KANSL2: variants seen among roughly 807,000 people sequenced by gnomAD.
The protein encoded by KANSL2 is KAT8 regulatory NSL complex subunit 2.
KANSL2 carries 34 observed loss-of-function variants against 55.6 expected under a neutral mutation model. The ratio of observed to expected loss-of-function variants is 0.61; its 90% CI spans 0.46 to 0.81. KANSL2 has a LOEUF of 0.81. KANSL2 is among the 40% of genes least tolerant of loss of function. The pLI, the probability that KANSL2 is intolerant of heterozygous loss-of-function variation, is 0.00. For synonymous variants in KANSL2, 209 were observed against 214.3 expected (o/e 0.98, Z 0.22); for missense variants, 502 against 609.9 (o/e 0.82, Z 1.86).
chr12:48,662,659 G>C (rs1939509667), intron 7 of KANSL2: 1 of 1,287,032 alleles, frequency 7.8e-7, no homozygotes, highest in Non-Finnish European at 1.0e-6. Flanking sequence ...CTTTCTCTGG[G>C]ATAAGGACTT....
At chr12:48,656,140 G>C (rs570212976) in intron 8 of KANSL2, among the ~76,000 whole-genome samples, 1 of 152,186 alleles carries the variant, frequency 6.6e-6, no homozygotes, top group Non-Finnish European at 1.5e-5. Context: ...AAGCAAACAA[G>C]CTCCAACAAG....
At chr12:48,665,486 C>T (rs1939579581) in intron 7 of KANSL2, among the ~76,000 whole-genome samples, 1 of 152,070 alleles carries the variant, frequency 6.6e-6, no homozygotes, top group Non-Finnish European at 1.5e-5. Context: ...TCGCTTGTAC[C>T]CAGGGGAGTG....
intron 1 of KANSL2, 105 bp downstream of exon 1, chr12:48,682,082 G>A: frequency 1.4e-6 from 1 of 703,022 alleles, no homozygotes; most frequent in Non-Finnish European, 2.6e-6. Context: ...GAAGGAGACT[G>A]ACTCTGACAC....
chr12:48,658,006 G>A lies in KANSL2; in HGVS notation c.1227+2360C>T, dbSNP rs1309345608. Reference sequence around the variant, plus strand: ...AGCACTTTGGGAGGCCAAGGTGGGCGAAACACTTGAGGCCAGGAGCTTGAG... The same window carrying A: ...AGCACTTTGGGAGGCCAAGGTGGGCAAAACACTTGAGGCCAGGAGCTTGAG... On this transcript the variant is annotated intron_variant, in intron 8 of 9. Transcript: ENST00000420613. Among the ~76,000 whole-genome samples, 3 of 152,120 alleles carry A rather than the reference G, an allele frequency of 2.0e-5. No individual in the cohort carries two copies. In the East Asian group the frequency reaches 5.8e-4, roughly 30 times the overall value.
chr12:48,663,531 CTG>C (rs1939527289), intron 7 of KANSL2, among the ~76,000 whole-genome samples: 1 of 152,078 alleles, frequency 6.6e-6, no homozygotes, highest in Non-Finnish European at 1.5e-5. Flanking sequence ...TCTTCTGCCT[CTG>C]TCATCCCACA....
rs2137200006 is a variant in KANSL2, at chr12:48,674,980, A to G, written c.546-3018T>C. ...AATTAAATAAATAAATAAAAATAAT[A>G]TATAATAAAATAAAATTAATAAAAA... On this transcript the variant is annotated intron_variant, in intron 4 of 9. Transcript: ENST00000420613. 1.3e-5 allele frequency among the ~76,000 whole-genome samples: 2 copies of G among 148,752 alleles called. 1 individual carries two copies. Among genetic ancestry groups the G allele is most frequent in the South Asian group, 4.2e-4 (2 of 4,800 alleles).
chr12:48,674,056 ACCTT>A (rs1375458977), intron 4 of KANSL2, among the ~76,000 whole-genome samples: 1 of 152,186 alleles, frequency 6.6e-6, no homozygotes, highest in Non-Finnish European at 1.5e-5. Flanking sequence ...CAAGCTATAT[ACCTT>A]AAGTTTCATA....
chr12:48,657,773 C>T (rs909071230), intron 8 of KANSL2, among the ~76,000 whole-genome samples: 1 of 152,264 alleles, frequency 6.6e-6, no homozygotes, highest in Non-Finnish European at 1.5e-5. Context: ...CGTGCCACCA[C>T]ATCCAGCTAA....
chr12:48,666,509 A>C (rs1167372397), intron 7 of KANSL2, among the ~76,000 whole-genome samples: 1 of 152,144 alleles, frequency 6.6e-6, no homozygotes, highest in Non-Finnish European at 1.5e-5. Flanking sequence ...CCTGGCCAAC[A>C]TGGTGAAACC....
At chr12:48,680,107 TAAAGTGCAGTGGTGCAATC>T in intron 2 of KANSL2, 1 of 344,064 alleles carries the variant, frequency 2.9e-6, no homozygotes, top group Non-Finnish European at 5.5e-6. Flanking sequence ...TTGCCCAGGC[TAAAGTGCAGTGGTGCAATC>T]ATAGTTCACT....
At chr12:48,681,303 G>T in intron 2 of KANSL2, 79 bp downstream of exon 2, 1 of 1,480,208 alleles carries the variant, frequency 6.8e-7, no homozygotes. Context: ...CTCAAACGCG[G>T]CAGCTATGCT....
intron 7 of KANSL2, among the ~76,000 whole-genome samples, chr12:48,662,896 A>C (rs1188129102): frequency 6.6e-6 from 1 of 152,016 alleles, no homozygotes; most frequent in Non-Finnish European, 1.5e-5. Flanking sequence ...AAAAAACAAA[A>C]AATAAAAGAA....
chr12:48,654,199 T>C (rs1004069322), intron 9 of KANSL2, 24 bp from the exon 10 acceptor site: 54 of 1,582,310 alleles, frequency 3.4e-5, no homozygotes, highest in African/African-American at 5.4e-5. Flanking sequence ...TAAAGGCACT[T>C]CAGTTAGTAA....
rs544671759 is a variant in KANSL2 at position 48,681,513 on chromosome 12, C to A, written c.120G>T (p.Leu40=). 1.9e-6 allele frequency: 3 copies of A among 1,613,858 alleles called. No individual in the cohort carries two copies. The highest frequency in any genetic ancestry group is 2.5e-6 in the Non-Finnish European group (3 of 1,179,906). The part of the protein sequence containing the change: ...FTHRPCSHPR[L]EGQEFCIKHI... The stretch of plus-strand genomic sequence containing the variant: ...GCTTAATGCAAAACTCCTGCCCCTC[C>A]AGACGAGGGTGAGAGCATGGACGAT... The change falls in exon 2 of 10, where the codon CTG becomes CTT. Residue 40 remains leucine, a synonymous_variant. Coordinates refer to ENST00000420613, the MANE Select transcript of KANSL2 (RefSeq NM_017822.4).
At chr12:48,657,908 C>T (rs571521738) in intron 8 of KANSL2, among the ~76,000 whole-genome samples, 2 of 152,268 alleles carry the variant, frequency 1.3e-5, no homozygotes, top group South Asian at 4.1e-4. Flanking sequence ...TCAGCCACCG[C>T]ACCCGGCCCA....
chr12:48,660,267 T>C lies in KANSL2; in HGVS notation c.1227+99A>G, dbSNP rs1474400799. On this transcript the variant is annotated intron_variant, in intron 8 of 9. Coordinates refer to ENST00000420613, the MANE Select transcript of KANSL2 (RefSeq NM_017822.4). ...TACGTATATATCACTTCAAAAACTT[T>C]GTCGATTCTCCTAACCACAAAGACT... 16 of 1,271,216 alleles carry C rather than the reference T, an allele frequency of 1.3e-5. No individual in the cohort carries two copies. In the East Asian group the frequency reaches 1.4e-4, roughly 11 times the overall value. 78.7% of individuals were successfully genotyped at this position (1,271,216 alleles called of 1,614,324 possible). A position where few individuals can be genotyped will look rare whatever the true frequency, so the allele number is the denominator to read the frequency against.
At chr12:48,663,907 ATTAGCC>A (rs1463811520) in intron 7 of KANSL2, among the ~76,000 whole-genome samples, 16 of 142,990 alleles carry the variant, frequency 1.1e-4, no homozygotes, top group Admixed American at 2.9e-4. Flanking sequence ...ACTTTTAACT[ATTAGCC>A]TTTTTTTTTT....
intron 6 of KANSL2, among the ~76,000 whole-genome samples, chr12:48,668,770 G>A (rs1301733117): frequency 6.6e-6 from 1 of 152,150 alleles, no homozygotes; most frequent in East Asian, 1.9e-4. Flanking sequence ...GAACAGGCAC[G>A]GTGGCTCATG....
In KANSL2 at chr12:48,679,843, C is replaced by T; in HGVS notation, c.252-10G>A. On this transcript the variant is annotated splice_polypyrimidine_tract_variant and intron_variant, in intron 2 of 9. Transcript: ENST00000420613. ...AGCACAGAAGGACACCCTGAAGAGA[C>T]AAAACATTAATATTTTATAAGTTCC... The T allele has an allele frequency of 6.3e-7, 1 of 1,577,304 alleles. No homozygotes were observed. The highest frequency in any genetic ancestry group is 8.6e-7 in the Non-Finnish European group (1 of 1,161,392).
Sources: gnomAD v4.1 joint callset for allele counts (sites outside exome capture counted in the v4.1 genomes callset) on GRCh38, gnomAD v4.1.1 for gene constraint, MANE v1.5 for transcripts, NCBI Gene and HGNC (gene_info 2026-07-23, HGNC 2026-07-21) for gene names.